Variants in OSBPL3 observed in about 807,000 individuals in gnomAD.
The protein encoded by OSBPL3 is oxysterol binding protein like 3, also known as oxysterol-binding protein-related protein 3.
In OSBPL3, 65 loss-of-function variants were observed where a neutral mutation model predicts 120.1. The observed-to-expected ratio is 0.54, with a 90% CI of 0.44 to 0.67. The LOEUF (loss-of-function observed/expected upper bound fraction) is 0.67. Among genes scored for constraint, OSBPL3 ranks in the 30% least tolerant of loss-of-function variants. The probability of loss-of-function intolerance (pLI) is 0.00; values close to 1 mark genes in which losing one functional copy is unlikely to be tolerated. For synonymous variants in OSBPL3, 416 were observed against 402.6 expected, an observed-to-expected ratio of 1.03 and a Z score of -0.40; for missense variants, 1,004 against 1,082.1, an observed-to-expected ratio of 0.93 and a Z score of 1.01.
Position 24,852,496 on chromosome 7 carries a change from T to C in OSBPL3, c.1158+8A>G, listed in dbSNP as rs1407671760. ...TCAGGCATTCCTGGAGGCAGACATG[T>C]AACTTACGGATGACAGGGCGTTCTT... On this transcript the variant is annotated splice_region_variant and intron_variant, in intron 11 of 22. Coordinates refer to ENST00000313367, the MANE Select transcript of OSBPL3 (RefSeq NM_015550.4). The surrounding 1 kb of genome is among the most constrained non-coding windows in gnomAD (Gnocchi z 4.1). The C allele has an allele frequency of 6.4e-7, 1 of 1,560,354 alleles. No homozygotes were observed. The highest frequency in any genetic ancestry group is 2.2e-5 in the Admixed American group (1 of 46,190).
chr7:24,905,789 G>A (rs928799101), intron 1 of OSBPL3, among the ~76,000 whole-genome samples: 4 of 152,200 alleles, frequency 2.6e-5, no homozygotes, highest in African/African-American at 7.2e-5. Flanking sequence ...TCAGCACTTC[G>A]GGAGGCCGAG....
At chr7:24,956,427 T>C (rs1815057878) in intron 1 of OSBPL3, among the ~76,000 whole-genome samples, 1 of 152,262 alleles carries the variant, frequency 6.6e-6, no homozygotes. Flanking sequence ...TAGTTTTCTC[T>C]ACTCTGGCTT....
At position 24,872,446 on chromosome 7, in the gene OSBPL3, A is replaced by AGTGTGTGTGT. The variant is rs555797689; in HGVS notation, c.97-378_97-377insACACACACAC. On this transcript the variant is annotated intron_variant, in intron 2 of 22. Coordinates refer to ENST00000313367, the MANE Select transcript of OSBPL3 (RefSeq NM_015550.4). This position sits in a 1 kb window ranked among gnomAD's most constrained non-coding sequence, Gnocchi z 4.1. ...CTTCAGTCTGAATTTTAACCGAAAG[A>AGTGTGTGTGT]GAGTGTGTGTGTGTGTGTGTGTGTG... is the stretch of plus-strand genomic sequence containing the variant. 7.2e-4 allele frequency among the ~76,000 whole-genome samples: 60 copies of AGTGTGTGTGT among 83,384 alleles called. No homozygotes were observed. The highest frequency in any genetic ancestry group is 1.6e-3 in the African/African-American group (36 of 22,376). 54.7% of individuals were successfully genotyped at this position (83,384 alleles called of 152,430 possible).
At chr7:24,977,813 G>A (rs769395604) in intron 1 of OSBPL3, among the ~76,000 whole-genome samples, 1 of 152,186 alleles carries the variant, frequency 6.6e-6, no homozygotes, top group Admixed American at 6.5e-5. Context: ...CCGAGATCGC[G>A]CCACTGTACT....
rs139412705 is a variant in OSBPL3, at chr7:24,944,350, C to T, written c.-150+35536G>A. Among the ~76,000 whole-genome samples the T allele has an allele frequency of 4.0e-3, 603 of 151,762 alleles. 2 individuals carry two copies. Among genetic ancestry groups the T allele is most frequent in the Non-Finnish European group, 6.3e-3 (431 of 67,930 alleles). On this transcript the variant is annotated intron_variant, in intron 1 of 22. Transcript: ENST00000313367. ...CAAGTGTTAAAAATGCCATGGTGGCCGGGCGCGGTGGCTCACGCCTGTAAT... is the reference window on the plus strand; with the variant it reads ...CAAGTGTTAAAAATGCCATGGTGGCTGGGCGCGGTGGCTCACGCCTGTAAT...
intron 1 of OSBPL3, among the ~76,000 whole-genome samples, chr7:24,950,265 C>G (rs1814232991): frequency 6.6e-6 from 1 of 152,162 alleles, no homozygotes. Context: ...CACACACACA[C>G]ACATATTGGT....
chr7:24,836,790 T>C (rs555926062), intron 14 of OSBPL3, among the ~76,000 whole-genome samples: 10 of 152,358 alleles, frequency 6.6e-5, no homozygotes, highest in Admixed American at 2.6e-4. Flanking sequence ...GTGCATCTCA[T>C]GTTAATCTAA....
chr7:24,897,216 G>T (rs376981704), intron 1 of OSBPL3, among the ~76,000 whole-genome samples: 1 of 152,090 alleles, frequency 6.6e-6, no homozygotes, highest in East Asian at 1.9e-4. Context: ...CAGATGTAAA[G>T]GCTCATGGCC....
rs546372079 is a variant in OSBPL3, at chr7:24,867,047, G to A, written c.382-810C>T. Among the ~76,000 whole-genome samples, 6 of 152,280 alleles carry A rather than the reference G, an allele frequency of 3.9e-5. No homozygotes were observed. Among genetic ancestry groups the A allele is most frequent in the African/African-American group, 9.6e-5 (4 of 41,560 alleles). On this transcript the variant is annotated intron_variant, in intron 5 of 22. Transcript: ENST00000313367. The surrounding 1 kb of genome is among the most constrained non-coding windows in gnomAD (Gnocchi z 4.5). ...GAACTCCTGACCTGGTGATCTGCCC[G>A]CCTCGGCCTCCCAAAGTGCTGGGAT...
chr7:24,804,430 C>T lies in OSBPL3; in HGVS notation c.2452G>A (p.Glu818Lys). 2 of 1,613,628 alleles carry T rather than the reference C, an allele frequency of 1.2e-6. No homozygotes were observed. Among genetic ancestry groups the T allele is most frequent in the Non-Finnish European group, 1.7e-6 (2 of 1,179,838 alleles). ...TCAGCTTCTTCTAAGTTCCCTTCCT[C>T]TAGAAACCTGAGGCATCGAGGAAAA... ...TRFRPDQRFL[E>K]EGNLEEAEIQ... Residue 818 changes from glutamate to lysine, a missense_variant, in exon 22 of 23, where the codon GAG becomes AAG. Glu to Lys is a moderately conservative substitution (Grantham distance 56). Coordinates refer to ENST00000313367, the MANE Select transcript of OSBPL3 (RefSeq NM_015550.4). The surrounding 1 kb of genome is among the most constrained non-coding windows in gnomAD (Gnocchi z 5.4).
In OSBPL3 at chr7:24,955,592, C is replaced by T. The variant is rs1213895688; in HGVS notation, c.-150+24294G>A. ...TTTCAGGTTTCTGCTCAAATGTCAC[C>T]TTATCAGAGAGGCCTTTGGCCATTT... is the stretch of plus-strand genomic sequence containing the variant. On this transcript the variant is annotated intron_variant, in intron 1 of 22. Coordinates refer to ENST00000313367, the MANE Select transcript of OSBPL3 (RefSeq NM_015550.4). The surrounding 1 kb of genome is among the most constrained non-coding windows in gnomAD (Gnocchi z 4.3). 6.6e-6 allele frequency among the ~76,000 whole-genome samples: 1 copy of T among 152,202 alleles called. No homozygotes were observed. The highest frequency in any genetic ancestry group is 1.5e-5 in the Non-Finnish European group (1 of 68,046).
chr7:24,853,073 C>T (rs951962982), intron 10 of OSBPL3, among the ~76,000 whole-genome samples: 2 of 152,216 alleles, frequency 1.3e-5, no homozygotes, highest in African/African-American at 2.4e-5. Context: ...TGTCTCATGA[C>T]TTTATGACTT....
At position 24,946,882 on chromosome 7, in the gene OSBPL3, A is replaced by T. The variant is rs181986824; in HGVS notation, c.-150+33004T>A. ...CTATATCATCTGCTTTGTGAGGATA[A>T]GAACTGTCTTAACTCTTTTTCTTTC... On this transcript the variant is annotated intron_variant, in intron 1 of 22. Transcript: ENST00000313367. This position sits in a 1 kb window ranked among gnomAD's most constrained non-coding sequence, Gnocchi z 4.3. Among the ~76,000 whole-genome samples, 7 of 152,370 alleles carry T rather than the reference A, an allele frequency of 4.6e-5. 1 individual carries two copies. Among genetic ancestry groups the T allele is most frequent in the Admixed American group, 2.6e-4 (4 of 15,308 alleles).
chr7:24,961,755 G>A (rs1008001490), intron 1 of OSBPL3, among the ~76,000 whole-genome samples: 5 of 152,114 alleles, frequency 3.3e-5, no homozygotes, highest in Admixed American at 6.5e-5. Flanking sequence ...AAGACAGGGC[G>A]CACCAAGGAC....
intron 1 of OSBPL3, among the ~76,000 whole-genome samples, chr7:24,917,428 T>TATATATATATATG (rs1562924930): frequency 1.1e-5 from 1 of 92,264 alleles, no homozygotes. Flanking sequence ...ATATATATAT[T>TATATATATATATG]TGTAACATAT....
rs533071752 is a variant in OSBPL3, at chr7:24,879,595, C to T, written c.97-7526G>A. On this transcript the variant is annotated intron_variant, in intron 2 of 22. Coordinates refer to ENST00000313367, the MANE Select transcript of OSBPL3 (RefSeq NM_015550.4). This position sits in a 1 kb window ranked among gnomAD's most constrained non-coding sequence, Gnocchi z 5.6. Reference sequence around the variant, plus strand: ...ATATTCATGCTGTCTTTGTGGTGAACCCTTGAGAAAGGGAAGGAAAATCAG... The same window carrying T: ...ATATTCATGCTGTCTTTGTGGTGAATCCTTGAGAAAGGGAAGGAAAATCAG... Among the ~76,000 whole-genome samples, 7 of 152,148 alleles carry T rather than the reference C, an allele frequency of 4.6e-5. No individual in the cohort carries two copies. Among genetic ancestry groups the T allele is most frequent in the Non-Finnish European group, 1.5e-5 (1 of 68,042 alleles).
rs1413139890 is a variant in OSBPL3 at position 24,822,290 on chromosome 7, C to G, written c.1885-2052G>C. 6.6e-6 allele frequency among the ~76,000 whole-genome samples: 1 copy of G among 152,124 alleles called. No individual in the cohort carries two copies. The highest frequency in any genetic ancestry group is 1.5e-5 in the Non-Finnish European group (1 of 68,006). On this transcript the variant is annotated intron_variant, in intron 16 of 22. Coordinates refer to ENST00000313367, the MANE Select transcript of OSBPL3 (RefSeq NM_015550.4). The surrounding 1 kb of genome is among the most constrained non-coding windows in gnomAD (Gnocchi z 5.8). Reference sequence around the variant, plus strand: ...AAAACAACGGAGCTAGCTTTGAAACCATGGGATCATATAAAACAAAATCAA... The same window carrying G: ...AAAACAACGGAGCTAGCTTTGAAACGATGGGATCATATAAAACAAAATCAA...
In OSBPL3 at chr7:24,870,755, C is replaced by T; in HGVS notation, c.358G>A (p.Glu120Lys). 1 of 1,609,322 alleles carries T rather than the reference C, an allele frequency of 6.2e-7. No individual in the cohort carries two copies. Among genetic ancestry groups the T allele is most frequent in the Non-Finnish European group, 8.5e-7 (1 of 1,175,588 alleles). Residue 120 changes from glutamate to lysine, a missense_variant, in exon 5 of 23, where the codon GAG becomes AAG. Transcript: ENST00000313367. ...KSSKCIDLDTEEHIYHLKVKS... is the reference protein window; with the variant it reads ...KSSKCIDLDTKEHIYHLKVKS... ...ACCTTCAGATGGTAGATGTGCTCCT[C>T]GGTGTCAAGGTCTATGCATTTTGAT...
chr7:24,886,431 CCTT>C (rs1316140952), intron 2 of OSBPL3, among the ~76,000 whole-genome samples: 6 of 152,302 alleles, frequency 3.9e-5, no homozygotes, highest in African/African-American at 1.4e-4. Context: ...ATGGGGAAGC[CCTT>C]CTTCATTTTA....
Sources: gnomAD v4.1 joint callset for allele counts (sites outside exome capture counted in the v4.1 genomes callset) on GRCh38, gnomAD v4.1.1 for gene constraint, Gnocchi (gnomAD v3.1) non-coding constraint, MANE v1.5 for transcripts, NCBI Gene and HGNC (gene_info 2026-07-23, HGNC 2026-07-21) for gene names.